CSF2RB: variants seen among roughly 807,000 people sequenced by gnomAD.
CSF2RB encodes cytokine receptor common subunit beta.
In CSF2RB, 22 loss-of-function variants were observed where a neutral mutation model predicts 67.2. That is an observed-to-expected ratio of 0.33 (90% CI 0.23 to 0.47). The LOEUF (loss-of-function observed/expected upper bound fraction) is 0.47, where lower values mean the gene tolerates loss of function less well. Ranked by LOEUF, CSF2RB falls within the 20% of genes least tolerant of loss-of-function variation. The probability of loss-of-function intolerance (pLI) is 1.00; values close to 1 mark genes in which losing one functional copy is unlikely to be tolerated. For synonymous variants in CSF2RB, 507 were observed against 482.9 expected, an observed-to-expected ratio of 1.05 and a Z score of -0.65; for missense variants, 1,113 against 1,174.5, an observed-to-expected ratio of 0.95 and a Z score of 0.76.
chr22:36,917,202 G>A (rs964000127), intron 1 of CSF2RB, among the ~76,000 whole-genome samples: 10 of 151,976 alleles, frequency 6.6e-5, no homozygotes, highest in Non-Finnish European at 1.0e-4. Context: ...CTTTTAATCC[G>A]TTCATCTGTT....
In CSF2RB at chr22:36,930,376, G is replaced by A. The variant is rs773097805; in HGVS notation, c.720G>A (p.Gly240=). 4 of 1,613,428 alleles carry A rather than the reference G, an allele frequency of 2.5e-6. No homozygotes were observed. The Admixed American group carries it at 5.0e-5, about 20-fold the overall frequency. ...CATGAGGACCTGTCTCCAACCCAGG[G>A]GATGAGGCCCAGCCCCAGAACCTGG... The part of the protein sequence containing the change: ...SPEVCWDSQP[G]DEAQPQNLEC... The change falls in exon 7 of 14, where the codon GGG becomes GGA. Residue 240 remains glycine (G), a splice_region_variant and synonymous_variant. Transcript: ENST00000403662.
chr22:36,934,737 G>C (rs5756414), intron 10 of CSF2RB, among the ~76,000 whole-genome samples: 65,950 of 152,096 alleles, frequency 0.43, 15,916 homozygotes, highest in East Asian at 0.8. Context: ...GTTTCAGAGA[G>C]AGTAAGGATA....
In CSF2RB at chr22:36,938,222, C is replaced by T. The variant is rs1439747280; in HGVS notation, c.2414C>T (p.Pro805Leu). ...GGGGAACGCCCGGCAGATGTGTCCC[C>T]AACATCCCCACAGCCCGAGGGCCTC... ...NPGERPADVS[P>L]TSPQPEGLLV... The change falls in exon 14 of 14, where the codon CCA (proline) becomes CTA (leucine). Residue 805 changes from proline to leucine, a missense_variant. Transcript: ENST00000403662. 1.2e-6 allele frequency: 2 copies of T among 1,614,164 alleles called. No homozygotes were observed. Among genetic ancestry groups the T allele is most frequent in the East Asian group, 2.2e-5 (1 of 44,876 alleles).
chr22:36,937,177 C>T lies in CSF2RB; in HGVS notation c.1569-200C>T, dbSNP rs993525217. Among the ~76,000 whole-genome samples, 3 of 152,086 alleles carry T rather than the reference C, an allele frequency of 2.0e-5. No homozygotes were observed. The highest frequency in any genetic ancestry group is 2.4e-5 in the African/African-American group (1 of 41,404). The stretch of plus-strand genomic sequence containing the variant: ...CATGGAGGATGGAGCTCCTGAGCCA[C>T]GGAAAGACTGAATCCATGTCCCATG... On this transcript the variant is annotated intron_variant, in intron 13 of 13. Transcript: ENST00000403662. The surrounding 1 kb of genome is among the most constrained non-coding windows in gnomAD (Gnocchi z 4.6).
intron 3 of CSF2RB, 91 bp downstream of exon 3, chr22:36,923,458 G>A: frequency 1.3e-6 from 2 of 1,540,174 alleles, no homozygotes; most frequent in South Asian, 2.3e-5. Flanking sequence ...GGACCTGTCA[G>A]GTCAGCCTCG....
At chr22:36,922,402 C>T (rs1166190323) in intron 2 of CSF2RB, 119 bp downstream of exon 2, 5 of 936,984 alleles carry the variant, frequency 5.3e-6, no homozygotes, top group East Asian at 5.3e-5. Context: ...TCCCCTCCCT[C>T]TGTCTCTCCC....
rs139026228 is a variant in CSF2RB, at chr22:36,938,187, C to A, written c.2379C>A (p.Val793=). ...TCCCCCCTGAGGCCAAAAGCCCTGT[C>A]CTGAACCCAGGGGAACGCCCGGCAG... ...NPVPPEAKSP[V]LNPGERPADV... is the part of the protein sequence containing the mutation. The change falls in exon 14 of 14, where the codon GTC becomes GTA. Residue 793 remains valine (V), a synonymous_variant. Coordinates refer to ENST00000403662, the MANE Select transcript of CSF2RB (RefSeq NM_000395.3). 1.9e-6 allele frequency: 3 copies of A among 1,614,036 alleles called. No homozygotes were observed. In the African/African-American group the frequency reaches 4.0e-5, roughly 22 times the overall value.
In CSF2RB at chr22:36,935,365, G is replaced by A. The variant is rs370205321; in HGVS notation, c.1330G>A (p.Val444Met). 1.3e-5 allele frequency: 21 copies of A among 1,614,080 alleles called. 1 individual carries two copies. In the Admixed American group the frequency reaches 3.2e-4, roughly 24 times the overall value. ...WDTESVLPMW[V>M]LALIVIFLTI... Reference sequence around the variant, plus strand: ...GCTGCTGGAAGTGCTGCCTATGTGGGTGCTGGCCCTCATCGTGATCTTCCT... The same window carrying A: ...GCTGCTGGAAGTGCTGCCTATGTGGATGCTGGCCCTCATCGTGATCTTCCT... The change falls in exon 11 of 14, where the codon GTG (valine) becomes ATG (methionine). Residue 444 changes from valine to methionine, a missense_variant. Physicochemically the swap from Val to Met is conservative, Grantham distance 21. Around this residue, in one of 2 missense-constraint regions of CSF2RB, gnomAD observed 559 missense variants for 656.5 expected, o/e 0.85. Coordinates refer to ENST00000403662, the MANE Select transcript of CSF2RB (RefSeq NM_000395.3).
intron 7 of CSF2RB, 56 bp downstream of exon 7, chr22:36,930,566 C>T: frequency 2.5e-6 from 4 of 1,611,710 alleles, no homozygotes; most frequent in Non-Finnish European, 3.4e-6. Flanking sequence ...TCTCTCCAAG[C>T]TTCCTCCTGT....
rs1335520236 is a variant in CSF2RB, at chr22:36,937,701, G to A, written c.1893G>A (p.Leu631=). The A allele has an allele frequency of 5.1e-6, 8 of 1,555,128 alleles. No individual in the cohort carries two copies. Among genetic ancestry groups the A allele is most frequent in the Non-Finnish European group, 7.0e-6 (8 of 1,149,140 alleles). ...PPPGSLEYLC[L]PAGGQVQLVP... is the part of the protein sequence containing the mutation. ...CAGGGTCCCTGGAGTACCTGTGTCT[G>A]CCTGCTGGGGGGCAGGTGCAACTGG... The change falls in exon 14 of 14, where the codon CTG becomes CTA. Residue 631 remains leucine, a synonymous_variant. Coordinates refer to ENST00000403662, the MANE Select transcript of CSF2RB (RefSeq NM_000395.3). The surrounding 1 kb of genome is among the most constrained non-coding windows in gnomAD (Gnocchi z 4.6).
Position 36,914,967 on chromosome 22 carries a change from C to T in CSF2RB, c.-173+1290C>T, listed in dbSNP as rs903102636. Among the ~76,000 whole-genome samples the T allele has an allele frequency of 2.0e-5, 3 of 152,312 alleles. No homozygotes were observed. In the East Asian group the frequency reaches 5.8e-4, roughly 29 times the overall value. ...TATGTAGCACAAGAGACAAAGTCCC[C>T]AGCAATTTCTTTTCCCTAGTTCCAT... On this transcript the variant is annotated intron_variant, in intron 1 of 13. Coordinates refer to ENST00000403662, the MANE Select transcript of CSF2RB (RefSeq NM_000395.3).
At chr22:36,916,830 G>A (rs905576431) in intron 1 of CSF2RB, among the ~76,000 whole-genome samples, 22 of 152,146 alleles carry the variant, frequency 1.4e-4, no homozygotes, top group African/African-American at 5.3e-4. Context: ...CTGCACTCCA[G>A]CCTGGGCAAC....
rs767143075 is a variant in CSF2RB, at chr22:36,930,687, C to T, written c.869C>T (p.Ser290Phe). The change falls in exon 8 of 14, where the codon TCC (serine) becomes TTC (phenylalanine). Residue 290 changes from serine to phenylalanine, a missense_variant. Physicochemically the swap from Ser to Phe is radical, Grantham distance 155 (BLOSUM62 -2). Around this residue, in one of 2 missense-constraint regions of CSF2RB, gnomAD observed 559 missense variants for 656.5 expected, o/e 0.85. Transcript: ENST00000403662. ...GTGCTCCTCAGGGAGGAAGAGTGCTCCCCAGTGCTGAGGGAGGGGCTCGGC... is the reference window on the plus strand; with the variant it reads ...GTGCTCCTCAGGGAGGAAGAGTGCTTCCCAGTGCTGAGGGAGGGGCTCGGC... ...PSPDAGEEEC[S>F]PVLREGLGSL... The T allele has an allele frequency of 1.9e-6, 3 of 1,612,792 alleles. No homozygotes were observed. The highest frequency in any genetic ancestry group is 2.2e-5 in the South Asian group (2 of 91,012).
chr22:36,914,389 ATCTCTCTC>A (rs10534185), intron 1 of CSF2RB, among the ~76,000 whole-genome samples: 1 of 145,774 alleles, frequency 6.9e-6, no homozygotes, highest in African/African-American at 2.5e-5. Flanking sequence ...CTATCCAGCA[ATCTCTCTC>A]TCTCTCTCTC....
At chr22:36,931,439 T>C (rs963627028) in intron 8 of CSF2RB, among the ~76,000 whole-genome samples, 35 of 152,232 alleles carry the variant, frequency 2.3e-4, no homozygotes, top group African/African-American at 8.4e-4. Context: ...TTAACTCTCT[T>C]GGGATCCTCA....
intron 4 of CSF2RB, among the ~76,000 whole-genome samples, chr22:36,926,734 GT>G (rs779039534): frequency 2.6e-5 from 4 of 152,228 alleles, no homozygotes; most frequent in Non-Finnish European, 5.9e-5. Context: ...CTAGGGTGGG[GT>G]AGATGATTAT....
chr22:36,928,335 G>A (rs1941070248), intron 4 of CSF2RB, among the ~76,000 whole-genome samples: 1 of 152,108 alleles, frequency 6.6e-6, no homozygotes, highest in Non-Finnish European at 1.5e-5. Context: ...CTTCCGAGAG[G>A]GCTCTGCCGG....
chr22:36,930,750 C>T lies in CSF2RB; in HGVS notation c.932C>T (p.Pro311Leu), dbSNP rs984721671. 6 of 1,613,922 alleles carry T rather than the reference C, an allele frequency of 3.7e-6. No homozygotes were observed. Among genetic ancestry groups the T allele is most frequent in the Admixed American group, 3.3e-5 (2 of 60,026 alleles). The change falls in exon 8 of 14, where the codon CCC becomes CTC. Residue 311 changes from proline (P) to leucine (L), a missense_variant. Transcript: ENST00000403662. ...HTRHHCQIPV[P>L]DPATHGQYIV... ...AGGCACCACTGCCAGATTCCCGTGCCCGACCCCGCGACCCACGGCCAATAC... is the reference window on the plus strand; with the variant it reads ...AGGCACCACTGCCAGATTCCCGTGCTCGACCCCGCGACCCACGGCCAATAC...
chr22:36,926,239 G>A, intron 4 of CSF2RB, 62 bp downstream of exon 4: 1 of 1,537,372 alleles, frequency 6.5e-7, no homozygotes, highest in Non-Finnish European at 8.9e-7. Flanking sequence ...GGGCACCAGG[G>A]GTGGTCCAGG....
Sources: gnomAD v4.1 joint callset for allele counts (sites outside exome capture counted in the v4.1 genomes callset) on GRCh38, gnomAD v4.1.1 for gene constraint, gnomAD v4.1.1 regional missense constraint, Gnocchi (gnomAD v3.1) non-coding constraint, MANE v1.5 for transcripts, NCBI Gene and HGNC (gene_info 2026-07-23, HGNC 2026-07-21) for gene names.